The following ANKS1A variants were observed in gnomAD, a reference collection of about 807,000 sequenced individuals.
The protein encoded by ANKS1A is ankyrin repeat and sterile alpha motif domain containing 1A.
ANKS1A carries 55 observed loss-of-function variants against 120.3 expected under a neutral mutation model. That is an observed-to-expected ratio of 0.46 (90% confidence interval 0.37 to 0.57). The LOEUF is 0.57. Among genes scored for constraint, ANKS1A ranks in the 20% least tolerant of loss-of-function variants. ANKS1A has a pLI of 0.00. For synonymous variants in ANKS1A, 590 were observed against 604.7 expected, an observed-to-expected ratio of 0.98 and a Z score of 0.36; for missense variants, 1,123 against 1,480.3, an observed-to-expected ratio of 0.76 and a Z score of 3.96.
At chr6:35,062,386 C>T (rs766357128) in intron 13 of ANKS1A, among the ~76,000 whole-genome samples, 7 of 152,224 alleles carry the variant, frequency 4.6e-5, no homozygotes, top group African/African-American at 7.2e-5. Flanking sequence ...AAGAAGGCAA[C>T]TTGGGAAGGG....
At chr6:35,010,526 G>A (rs1773707640) in intron 10 of ANKS1A, among the ~76,000 whole-genome samples, 1 of 152,198 alleles carries the variant, frequency 6.6e-6, no homozygotes, top group Non-Finnish European at 1.5e-5. Flanking sequence ...ACTTGGTCAT[G>A]TGTTTACACC....
At chr6:35,020,566 T>C (rs549633403) in intron 11 of ANKS1A, among the ~76,000 whole-genome samples, 2 of 152,326 alleles carry the variant, frequency 1.3e-5, no homozygotes, top group East Asian at 1.9e-4. Flanking sequence ...TATGGCTCCT[T>C]CTGAGCGTAT....
At chr6:34,981,016 A>G (rs1225965764) in intron 3 of ANKS1A, among the ~76,000 whole-genome samples, 1 of 152,160 alleles carries the variant, frequency 6.6e-6, no homozygotes, top group Non-Finnish European at 1.5e-5. Context: ...CATTTTAATG[A>G]AGTAGATACT....
At position 34,889,310 on chromosome 6, in the gene ANKS1A, G is replaced by C. The variant is rs955014022; in HGVS notation, c.-93G>C. 41 of 1,223,144 alleles carry C rather than the reference G, an allele frequency of 3.4e-5. No homozygotes were observed. The highest frequency in any genetic ancestry group is 7.8e-5 in the African/African-American group (5 of 63,744). The allele number at this position is 1,223,144 out of a possible 1,614,324, so 75.8% of individuals were successfully genotyped here. ...GGGGGTGGTGTCCCCAGCCGGTTTG[G>C]GGGGTGCGTTGCCCGGAGACGGAAA... On this transcript the variant is annotated 5_prime_UTR_variant, in exon 1 of 24. Coordinates refer to ENST00000360359, the MANE Select transcript of ANKS1A (RefSeq NM_015245.3). The surrounding 1 kb of genome is among the most constrained non-coding windows in gnomAD (Gnocchi z 5.5).
chr6:35,094,281 T>C (rs2820228), downstream of ANKS1A, among the ~76,000 whole-genome samples: 55,390 of 151,998 alleles, frequency 0.36, 12,700 homozygotes, highest in Middle Eastern at 0.49. Flanking sequence ...AATCAATAGA[T>C]ATCAACACTT....
chr6:34,991,643 C>T (rs1288432929), intron 9 of ANKS1A, among the ~76,000 whole-genome samples: 1 of 139,812 alleles, frequency 7.2e-6, no homozygotes, highest in African/African-American at 2.5e-5. Context: ...TACATATATA[C>T]ACACACATAT....
chr6:34,989,097 A>T, intron 8 of ANKS1A, 127 bp from the exon 9 acceptor site: 1 of 713,112 alleles, frequency 1.4e-6, no homozygotes, highest in Non-Finnish European at 2.3e-6. Flanking sequence ...CGAAACCTTG[A>T]CTTTAGTCTC....
chr6:35,018,497 G>T (rs1774161975), intron 11 of ANKS1A, among the ~76,000 whole-genome samples: 1 of 152,072 alleles, frequency 6.6e-6, no homozygotes, highest in Non-Finnish European at 1.5e-5. Flanking sequence ...GGTAAGTCTG[G>T]GGGGAAAGCT....
chr6:35,085,821 A>G lies in ANKS1A; in HGVS notation c.3188A>G (p.Gln1063Arg). Residue 1063 changes from glutamine (Q) to arginine (R), a missense_variant, in exon 22 of 24, where the codon CAG becomes CGG. Around this residue, in one of 3 missense-constraint regions of ANKS1A, gnomAD observed 904 missense variants for 1,130.4 expected, o/e 0.80. Transcript: ENST00000360359. The surrounding 1 kb of genome is among the most constrained non-coding windows in gnomAD (Gnocchi z 4.7). ...GGGCAGGCCTTCGAAGTGGCCTATC[A>G]GTTGGCCCTGCAGGCCCAGAAGTCC... ...TLGQAFEVAY[Q>R]LALQAQKSRA... 1 of 1,612,884 alleles carries G rather than the reference A, an allele frequency of 6.2e-7. No homozygotes were observed. Among genetic ancestry groups the G allele is most frequent in the Non-Finnish European group, 8.5e-7 (1 of 1,179,550 alleles).
intron 13 of ANKS1A, among the ~76,000 whole-genome samples, chr6:35,076,020 C>A (rs1390053471): frequency 6.6e-6 from 1 of 152,206 alleles, no homozygotes; most frequent in Non-Finnish European, 1.5e-5. Flanking sequence ...TCACCTTGGC[C>A]TCCAAAAGTG....
chr6:35,053,949 A>G, intron 11 of ANKS1A, 150 bp from the exon 12 acceptor site: 1 of 668,964 alleles, frequency 1.5e-6, no homozygotes, highest in African/African-American at 1.8e-5. Context: ...AGACCTGAGC[A>G]GCAGAGTCCT....
rs1777958377 is a variant in ANKS1A at position 35,086,072 on chromosome 6, C to A, written c.3303+136C>A. On this transcript the variant is annotated intron_variant, in intron 22 of 23. Coordinates refer to ENST00000360359, the MANE Select transcript of ANKS1A (RefSeq NM_015245.3). The surrounding 1 kb of genome is among the most constrained non-coding windows in gnomAD (Gnocchi z 5.1). ...CCAGGGAAATGACCCTCTTAATTGTCCCCCAACCCTGCCAGGTCTCGCCCC... is the reference window on the plus strand; with the variant it reads ...CCAGGGAAATGACCCTCTTAATTGTACCCCAACCCTGCCAGGTCTCGCCCC... 7.6e-7 allele frequency: 1 copy of A among 1,322,674 alleles called. No homozygotes were observed. The highest frequency in any genetic ancestry group is 1.0e-6 in the Non-Finnish European group (1 of 993,710). 81.9% of individuals were successfully genotyped at this position (1,322,674 alleles called of 1,614,324 possible). A position where few individuals can be genotyped will look rare whatever the true frequency, so the allele number is the denominator to read the frequency against.
intron 1 of ANKS1A, among the ~76,000 whole-genome samples, chr6:34,940,282 T>G (rs375526694): frequency 1.3e-5 from 2 of 152,338 alleles, no homozygotes; most frequent in East Asian, 1.9e-4. Context: ...TGTAGTTCAC[T>G]GACCCGAAGA....
chr6:34,918,361 G>T (rs543609788), intron 1 of ANKS1A, among the ~76,000 whole-genome samples: 1 of 152,156 alleles, frequency 6.6e-6, no homozygotes, highest in Non-Finnish European at 1.5e-5. Flanking sequence ...CTTCCAAAAT[G>T]GGGGTGGTAA....
chr6:35,084,326 C>A lies in ANKS1A; in HGVS notation c.3132+68C>A. The A allele has an allele frequency of 6.3e-7, 1 of 1,586,182 alleles. No homozygotes were observed. Among genetic ancestry groups the A allele is most frequent in the Admixed American group, 1.7e-5 (1 of 57,594 alleles). On this transcript the variant is annotated intron_variant, in intron 21 of 23. Coordinates refer to ENST00000360359, the MANE Select transcript of ANKS1A (RefSeq NM_015245.3). This position sits in a 1 kb window ranked among gnomAD's most constrained non-coding sequence, Gnocchi z 4.8. Reference sequence around the variant, plus strand: ...AGCCCTGAGGCGTCCAGCCCCATTGCAGGGCACAGATGCGGCGCTGTCCTG... The same window carrying A: ...AGCCCTGAGGCGTCCAGCCCCATTGAAGGGCACAGATGCGGCGCTGTCCTG...
chr6:35,059,265 A>G (rs1489956628), intron 12 of ANKS1A, among the ~76,000 whole-genome samples: 10 of 152,246 alleles, frequency 6.6e-5, no homozygotes, highest in African/African-American at 2.4e-4. Context: ...GCCAGCTGCC[A>G]GAGTCTAGCT....
chr6:35,025,729 G>A (rs1258173830), intron 11 of ANKS1A, among the ~76,000 whole-genome samples: 1 of 151,572 alleles, frequency 6.6e-6, no homozygotes, highest in Non-Finnish European at 1.5e-5. Flanking sequence ...GTGGAGTTAA[G>A]GATAGGCTTC....
chr6:34,919,884 G>A (rs140656854), intron 1 of ANKS1A, among the ~76,000 whole-genome samples: 1 of 152,008 alleles, frequency 6.6e-6, no homozygotes, highest in Admixed American at 6.6e-5. Flanking sequence ...CTGCTTGAGG[G>A]GGCCCTTCCA....
rs1001046992 is a variant in ANKS1A at position 35,082,325 on chromosome 6, C to G, written c.2710-366C>G. Among the ~76,000 whole-genome samples the G allele has an allele frequency of 3.3e-5, 5 of 152,030 alleles. No individual in the cohort carries two copies. Among genetic ancestry groups the G allele is most frequent in the Non-Finnish European group, 7.4e-5 (5 of 67,994 alleles). ...CCAAGGCGTCCCAGGGTCTCGTGGGCGCTGTTCTCTCCTTTGGTCTTTGTG... is the reference window on the plus strand; with the variant it reads ...CCAAGGCGTCCCAGGGTCTCGTGGGGGCTGTTCTCTCCTTTGGTCTTTGTG... On this transcript the variant is annotated intron_variant, in intron 17 of 23. Coordinates refer to ENST00000360359, the MANE Select transcript of ANKS1A (RefSeq NM_015245.3). The surrounding 1 kb of genome is among the most constrained non-coding windows in gnomAD (Gnocchi z 4.1).
Sources: gnomAD v4.1 joint callset for allele counts (sites outside exome capture counted in the v4.1 genomes callset) on GRCh38, gnomAD v4.1.1 for gene constraint, gnomAD v4.1.1 regional missense constraint, Gnocchi (gnomAD v3.1) non-coding constraint, MANE v1.5 for transcripts, NCBI Gene and HGNC (gene_info 2026-07-23, HGNC 2026-07-21) for gene names.